The following XXYLT1 variants were observed in gnomAD, a reference collection of about 807,000 sequenced individuals.
The protein encoded by XXYLT1 is UDP-xylose:alpha-xyloside alpha-1,3-xylosyltransferase.
Under a neutral mutation model 28.9 loss-of-function variants are expected in XXYLT1, and 20 were observed. The observed-to-expected ratio is 0.69, with a 90% CI of 0.49 to 1.00. The LOEUF (loss-of-function observed/expected upper bound fraction) is 1.00. Among genes scored for constraint, XXYLT1 ranks in the 50% least tolerant of loss-of-function variants. XXYLT1 has a pLI of 0.00. For missense variants in XXYLT1, 542 were observed against 560.1 expected (o/e 0.97, Z 0.33); for synonymous variants, 257 against 253.8 (o/e 1.01, Z -0.12).
At chr3:195,157,855 C>A (rs1297621007) in intron 2 of XXYLT1, among the ~76,000 whole-genome samples, 1 of 152,172 alleles carries the variant, frequency 6.6e-6, no homozygotes, top group Non-Finnish European at 1.5e-5. Context: ...TGCTGATTGA[C>A]CCTGTGACCC....
In XXYLT1 at chr3:195,078,247, G is replaced by A. The variant is rs1715232554; in HGVS notation, c.786-8136C>T. Among the ~76,000 whole-genome samples the A allele has an allele frequency of 6.6e-6, 1 of 152,068 alleles. No individual in the cohort carries two copies. Among genetic ancestry groups the A allele is most frequent in the Non-Finnish European group, 1.5e-5 (1 of 68,014 alleles). ...CATAAGCAGAGAGCACCAAGCAGGT[G>A]GTACGGAATTCTGGAGAGTTCTGAC... On this transcript the variant is annotated intron_variant, in intron 3 of 3. Coordinates refer to ENST00000310380, the MANE Select transcript of XXYLT1 (RefSeq NM_152531.5). This position sits in a 1 kb window ranked among gnomAD's most constrained non-coding sequence, Gnocchi z 5.0.
intron 3 of XXYLT1, among the ~76,000 whole-genome samples, chr3:195,154,303 G>A (rs1325784745): frequency 6.6e-6 from 1 of 152,176 alleles, no homozygotes; most frequent in African/African-American, 2.4e-5. Flanking sequence ...TGGGCACGTG[G>A]GCTCAAGCAT....
At chr3:195,198,084 C>G (rs1159154167) in intron 2 of XXYLT1, among the ~76,000 whole-genome samples, 1 of 152,202 alleles carries the variant, frequency 6.6e-6, no homozygotes, top group Admixed American at 6.5e-5. Context: ...ATCCAATAAC[C>G]ACTCAACTGA....
chr3:195,248,203 G>C (rs1456497226), intron 1 of XXYLT1, among the ~76,000 whole-genome samples: 4 of 152,208 alleles, frequency 2.6e-5, no homozygotes, highest in Non-Finnish European at 1.5e-5. Flanking sequence ...GTTGTGCAAA[G>C]TACTAAGAAG....
intron 2 of XXYLT1, among the ~76,000 whole-genome samples, chr3:195,170,596 G>A (rs1424044604): frequency 6.6e-6 from 1 of 152,208 alleles, no homozygotes; most frequent in African/African-American, 2.4e-5. Flanking sequence ...TCATCTAGCT[G>A]TATTTATGCT....
intron 2 of XXYLT1, chr3:195,207,408 G>A: frequency 2.2e-6 from 1 of 452,852 alleles, no homozygotes; most frequent in Admixed American, 2.4e-5. Flanking sequence ...GGAAAACAGT[G>A]ACTTTATTCT....
chr3:195,154,476 G>C (rs1720452175), intron 3 of XXYLT1, among the ~76,000 whole-genome samples: 1 of 152,150 alleles, frequency 6.6e-6, no homozygotes, highest in Non-Finnish European at 1.5e-5. Flanking sequence ...TTAAGGGAGG[G>C]AGAGAGGGAG....
chr3:195,239,045 C>T (rs1221552238), intron 1 of XXYLT1, among the ~76,000 whole-genome samples: 1 of 152,246 alleles, frequency 6.6e-6, no homozygotes, highest in East Asian at 1.9e-4. Flanking sequence ...CATGAATAGA[C>T]TTCTGAGGAC....
At position 195,180,113 on chromosome 3, in the gene XXYLT1, C is replaced by T. The variant is rs936063849; in HGVS notation, c.653-23532G>A. On this transcript the variant is annotated intron_variant, in intron 2 of 3. Transcript: ENST00000310380. The surrounding 1 kb of genome is among the most constrained non-coding windows in gnomAD (Gnocchi z 5.8). ...AAGCAGTGGGGTTCTGGCAGAGCAC[C>T]GCTGACCCGTCATGGAAGGAGGGGA... Among the ~76,000 whole-genome samples, 9 of 152,280 alleles carry T rather than the reference C, an allele frequency of 5.9e-5. No individual in the cohort carries two copies. The highest frequency in any genetic ancestry group is 1.2e-4 in the African/African-American group (5 of 41,560).
intron 2 of XXYLT1, among the ~76,000 whole-genome samples, chr3:195,162,195 G>C (rs575426633): frequency 6.6e-6 from 1 of 152,030 alleles, no homozygotes; most frequent in South Asian, 2.1e-4. Flanking sequence ...TCGAAACCCC[G>C]TCTGTTGGGC....
intron 3 of XXYLT1, among the ~76,000 whole-genome samples, chr3:195,138,269 ATGTAATTAGAGAGC>A (rs1281310697): frequency 1.3e-5 from 2 of 152,156 alleles, no homozygotes; most frequent in Non-Finnish European, 2.9e-5. Flanking sequence ...AAACTACAAG[ATGTAATTAGAGAGC>A]TGGACACTGG....
At chr3:195,138,525 T>C (rs1264885269) in intron 3 of XXYLT1, among the ~76,000 whole-genome samples, 1 of 152,050 alleles carries the variant, frequency 6.6e-6, no homozygotes, top group Non-Finnish European at 1.5e-5. Flanking sequence ...ACTGGCAGCA[T>C]CTCACCTGTG....
intron 1 of XXYLT1, among the ~76,000 whole-genome samples, chr3:195,238,413 C>CT (rs1724642759): frequency 6.6e-6 from 1 of 152,204 alleles, no homozygotes; most frequent in African/African-American, 2.4e-5. Flanking sequence ...GTCTGACTCA[C>CT]TTTTCAGGGC....
chr3:195,147,518 C>A (rs934342367), intron 3 of XXYLT1, among the ~76,000 whole-genome samples: 3 of 152,082 alleles, frequency 2.0e-5, no homozygotes, highest in Admixed American at 2.0e-4. Context: ...TGCAGTGAGC[C>A]AAGATCACAC....
chr3:195,109,547 G>GT (rs1553803397), intron 3 of XXYLT1, among the ~76,000 whole-genome samples: 106 of 142,086 alleles, frequency 7.5e-4, no homozygotes, highest in South Asian at 1.8e-3. Flanking sequence ...ATGTGTAGGG[G>GT]GTGTGTGTGT....
At chr3:195,230,235 AT>A (rs35789618) in intron 1 of XXYLT1, among the ~76,000 whole-genome samples, 1 of 151,678 alleles carries the variant, frequency 6.6e-6, no homozygotes, top group African/African-American at 2.4e-5. Flanking sequence ...AGATTATTAA[AT>A]TTTTTTCCTA....
intron 3 of XXYLT1, among the ~76,000 whole-genome samples, chr3:195,106,279 C>G: frequency 7.0e-6 from 1 of 142,310 alleles, no homozygotes; most frequent in African/African-American, 2.8e-5. Context: ...GATGCTCTTG[C>G]TGTGTTTTTG....
At position 195,129,782 on chromosome 3, in the gene XXYLT1, T is replaced by C. The variant is rs1718812179; in HGVS notation, c.785+26667A>G. On this transcript the variant is annotated intron_variant, in intron 3 of 3. Coordinates refer to ENST00000310380, the MANE Select transcript of XXYLT1 (RefSeq NM_152531.5). This position sits in a 1 kb window ranked among gnomAD's most constrained non-coding sequence, Gnocchi z 4.4. ...GACTCATGCTGATACGAACGTCCATTTGCATGTTAGTGTGTGGGCGCATGT... is the reference window on the plus strand; with the variant it reads ...GACTCATGCTGATACGAACGTCCATCTGCATGTTAGTGTGTGGGCGCATGT... Among the ~76,000 whole-genome samples the C allele has an allele frequency of 6.6e-6, 1 of 152,198 alleles. No individual in the cohort carries two copies. The highest frequency in any genetic ancestry group is 2.1e-4 in the South Asian group (1 of 4,830).
At chr3:195,215,998 A>G (rs1432383388) in intron 2 of XXYLT1, among the ~76,000 whole-genome samples, 2 of 151,692 alleles carry the variant, frequency 1.3e-5, no homozygotes, top group Non-Finnish European at 2.9e-5. Context: ...CAATCAAACT[A>G]GAACTCAGGA....
Sources: gnomAD v4.1 joint callset for allele counts (sites outside exome capture counted in the v4.1 genomes callset) on GRCh38, gnomAD v4.1.1 for gene constraint, Gnocchi (gnomAD v3.1) non-coding constraint, MANE v1.5 for transcripts, NCBI Gene and HGNC (gene_info 2026-07-23, HGNC 2026-07-21) for gene names.